Variants in RAB3C observed in about 807,000 individuals in gnomAD.
The protein encoded by RAB3C is RAB3C, member RAS oncogene family.
Under a neutral mutation model 26.4 loss-of-function variants are expected in RAB3C, and 17 were observed. That is an observed-to-expected ratio of 0.64 (90% CI 0.44 to 0.97). The LOEUF is 0.97. RAB3C is among the 50% of genes least tolerant of loss of function. The pLI, the probability that RAB3C is intolerant of heterozygous loss-of-function variation, is 0.00. For synonymous variants in RAB3C, 91 were observed against 95.9 expected (o/e 0.95, Z 0.30); for missense variants, 242 against 281.9 (o/e 0.86, Z 1.01).
intron 1 of RAB3C, among the ~76,000 whole-genome samples, chr5:58,612,013 T>C (rs796472899): frequency 6.6e-6 from 1 of 152,286 alleles, no homozygotes; most frequent in African/African-American, 2.4e-5. Context: ...CTTGTTTTTG[T>C]CAGGTTTGTT....
intron 2 of RAB3C, among the ~76,000 whole-genome samples, chr5:58,669,013 G>A (rs902122931): frequency 6.6e-6 from 1 of 152,116 alleles, no homozygotes; most frequent in African/African-American, 2.4e-5. Context: ...GAGGAAGAGG[G>A]AGAGAGCTAT....
chr5:58,696,472 T>A (rs1354452481), intron 2 of RAB3C, among the ~76,000 whole-genome samples: 1 of 152,254 alleles, frequency 6.6e-6, no homozygotes, highest in Non-Finnish European at 1.5e-5. Context: ...CTTTTTCTAT[T>A]GATTGGAAGT....
intron 3 of RAB3C, among the ~76,000 whole-genome samples, chr5:58,747,069 G>A (rs1271609799): frequency 6.6e-6 from 1 of 152,136 alleles, no homozygotes; most frequent in East Asian, 1.9e-4. Context: ...CCTGAATACA[G>A]ACAGCTTTTA....
intron 3 of RAB3C, chr5:58,823,199 G>A (rs1743384716): frequency 1.2e-5 from 4 of 329,896 alleles, no homozygotes; most frequent in Admixed American, 7.7e-5. Flanking sequence ...AAAGAACAGC[G>A]AAACTTCAGA....
intron 2 of RAB3C, among the ~76,000 whole-genome samples, chr5:58,675,651 A>C (rs1434034786): frequency 3.6e-4 from 53 of 149,186 alleles, no homozygotes; most frequent in Admixed American, 3.5e-3. Context: ...TTTTCAGCAA[A>C]TGACTGCTAA....
At chr5:58,680,604 G>A (rs1748325554) in intron 2 of RAB3C, among the ~76,000 whole-genome samples, 1 of 152,138 alleles carries the variant, frequency 6.6e-6, no homozygotes, top group South Asian at 2.1e-4. Context: ...CCAAAGTCAG[G>A]GTGTTGGCAG....
chr5:58,738,617 C>T (rs1741207124), intron 3 of RAB3C, among the ~76,000 whole-genome samples: 1 of 152,134 alleles, frequency 6.6e-6, no homozygotes, highest in Non-Finnish European at 1.5e-5. Context: ...TAAATATTGA[C>T]ACTACAGGGA....
intron 2 of RAB3C, among the ~76,000 whole-genome samples, chr5:58,627,009 T>C (rs1747066996): frequency 6.6e-6 from 1 of 152,186 alleles, no homozygotes; most frequent in Admixed American, 6.5e-5. Context: ...CCAAGTGCAG[T>C]GAGCTGTGTT....
chr5:58,586,247 A>C (rs1436696679), intron 1 of RAB3C, among the ~76,000 whole-genome samples: 5 of 152,060 alleles, frequency 3.3e-5, no homozygotes, highest in African/African-American at 1.2e-4. Context: ...TACCCTAATT[A>C]TAGGCATGAT....
intron 2 of RAB3C, among the ~76,000 whole-genome samples, chr5:58,660,699 T>C (rs1227752295): frequency 1.3e-5 from 2 of 150,402 alleles, no homozygotes; most frequent in Non-Finnish European, 2.9e-5. Context: ...TTTCTTTATC[T>C]GAAGCAGGTT....
rs1744285029 is a variant in RAB3C, at chr5:58,857,269, C to T, written c.*5918C>T. The T allele has an allele frequency of 6.6e-6, 1 of 152,096 alleles. No individual in the cohort carries two copies. Among genetic ancestry groups the T allele is most frequent in the East Asian group, 1.9e-4 (1 of 5,202 alleles). The allele number at this position is 152,096 out of a possible 1,614,324, so 9.4% of individuals were successfully genotyped here. A position where few individuals can be genotyped will look rare whatever the true frequency, so the allele number is the denominator to read the frequency against. On this transcript the variant is annotated 3_prime_UTR_variant, in exon 5 of 5. Coordinates refer to ENST00000282878, the MANE Select transcript of RAB3C (RefSeq NM_138453.4). ...AATATCTTATTGGTGTCATGTAAAACCCCTCTGTGCCTACTTCAAAATACT... is the reference window on the plus strand; with the variant it reads ...AATATCTTATTGGTGTCATGTAAAATCCCTCTGTGCCTACTTCAAAATACT...
intron 2 of RAB3C, among the ~76,000 whole-genome samples, chr5:58,718,402 C>A (rs1281310762): frequency 6.6e-6 from 1 of 151,990 alleles, no homozygotes; most frequent in Non-Finnish European, 1.5e-5. Flanking sequence ...TTAGATCTGT[C>A]AGGGTATTAC....
At chr5:58,583,313 C>T in intron 1 of RAB3C, 81 bp downstream of exon 1, 3 of 1,601,452 alleles carry the variant, frequency 1.9e-6, no homozygotes. Flanking sequence ...AGCAGTTCAA[C>T]GTAAGGAAAG....
intron 3 of RAB3C, 151 bp from the exon 4 acceptor site, chr5:58,824,887 C>A: frequency 1.8e-6 from 1 of 545,272 alleles, no homozygotes; most frequent in South Asian, 2.4e-5. Context: ...AAATTGCACT[C>A]AACTAATTAA....
At chr5:58,748,774 T>C (rs994130038) in intron 3 of RAB3C, among the ~76,000 whole-genome samples, 3 of 152,224 alleles carry the variant, frequency 2.0e-5, no homozygotes, top group Non-Finnish European at 4.4e-5. Context: ...CCTTCTTCTA[T>C]AACATAGTTA....
intron 2 of RAB3C, among the ~76,000 whole-genome samples, chr5:58,711,038 A>C (rs1749049321): frequency 6.6e-6 from 1 of 152,206 alleles, no homozygotes; most frequent in South Asian, 2.1e-4. Context: ...GAATGTGCAG[A>C]AGACCTTAAA....
rs1743963261 is a variant in RAB3C, at chr5:58,845,255, T to G, written c.497-5909T>G. Among the ~76,000 whole-genome samples the G allele has an allele frequency of 3.9e-5, 6 of 152,196 alleles. 1 individual carries two copies. In the South Asian group the frequency reaches 1.2e-3, roughly 32 times the overall value. ...GCCTCAGCCTTCTCTGAGGCTTCCT[T>G]TGCTCTAAGGACCTCCTGGGAGCAA... On this transcript the variant is annotated intron_variant, in intron 4 of 4. Transcript: ENST00000282878.
At chr5:58,792,581 T>C (rs1404765070) in intron 3 of RAB3C, among the ~76,000 whole-genome samples, 1 of 151,912 alleles carries the variant, frequency 6.6e-6, no homozygotes, top group Non-Finnish European at 1.5e-5. Flanking sequence ...CATGGAAACA[T>C]TGATTTTGGT....
chr5:58,736,928 G>T (rs74582179), intron 3 of RAB3C, among the ~76,000 whole-genome samples: 28 of 152,146 alleles, frequency 1.8e-4, no homozygotes, highest in African/African-American at 6.3e-4. Flanking sequence ...ATCTTCCCAG[G>T]ACAGCAGCTG....
Sources: allele counts gnomAD v4.1 joint callset (sites outside exome capture counted in the v4.1 genomes callset), GRCh38; gene constraint gnomAD v4.1.1; transcripts MANE v1.5; gene names NCBI Gene and HGNC (gene_info 2026-07-23, HGNC 2026-07-21).